LRP1B: variants seen among roughly 807,000 people sequenced by gnomAD.
LRP1B encodes LDL receptor related protein 1B.
Under a neutral mutation model 556.6 loss-of-function variants are expected in LRP1B, and 217 were observed. The ratio of observed to expected loss-of-function variants is 0.39; its 90% CI spans 0.35 to 0.44. The LOEUF is 0.44. Ranked by LOEUF, LRP1B falls within the 20% of genes least tolerant of loss-of-function variation. LRP1B has a pLI of 1.00. For synonymous variants in LRP1B, 2,047 were observed against 1,865.8 expected (o/e 1.10, Z -2.50); for missense variants, 5,053 against 5,620.8 (o/e 0.90, Z 3.23).
chr2:140,689,644 G>A (rs538857788), intron 41 of LRP1B, among the ~76,000 whole-genome samples: 1 of 152,134 alleles, frequency 6.6e-6, no homozygotes, highest in South Asian at 2.1e-4. Flanking sequence ...ATTCATATAT[G>A]AATCACTATT....
intron 83 of LRP1B, among the ~76,000 whole-genome samples, chr2:140,306,030 T>C (rs1242389458): frequency 6.9e-6 from 1 of 145,748 alleles, no homozygotes; most frequent in African/African-American, 2.5e-5. Context: ...ATAAGCTTTT[T>C]GATGTGCTGC....
chr2:142,010,554 CAAAAAAAAAAAAA>C (rs33927334), intron 1 of LRP1B, among the ~76,000 whole-genome samples: 5 of 60,248 alleles, frequency 8.3e-5, no homozygotes, highest in East Asian at 6.2e-4. Flanking sequence ...GATTCTGTCT[CAAAAAAAAAAAAA>C]AAAAAAAAAA....
At chr2:141,797,990 T>C (rs1381082175) in intron 2 of LRP1B, among the ~76,000 whole-genome samples, 3 of 152,178 alleles carry the variant, frequency 2.0e-5, no homozygotes, top group Non-Finnish European at 4.4e-5. Flanking sequence ...GGATCCTGGA[T>C]TCGGTAAAAT....
At chr2:141,047,235 C>T (rs1387027529) in intron 11 of LRP1B, among the ~76,000 whole-genome samples, 1 of 151,970 alleles carries the variant, frequency 6.6e-6, no homozygotes, top group Non-Finnish European at 1.5e-5. Flanking sequence ...CTGTCACATC[C>T]AATTTAAAGT....
At chr2:141,737,726 A>G (rs1030195423) in intron 2 of LRP1B, among the ~76,000 whole-genome samples, 2 of 152,126 alleles carry the variant, frequency 1.3e-5, no homozygotes, top group African/African-American at 2.4e-5. Context: ...CTTGTAAATC[A>G]TGTTAGGTAG....
At chr2:141,729,844 T>C (rs1018426183) in intron 2 of LRP1B, among the ~76,000 whole-genome samples, 4 of 152,178 alleles carry the variant, frequency 2.6e-5, no homozygotes, top group African/African-American at 9.6e-5. Flanking sequence ...CCCATTTCTA[T>C]AGAAAATAAT....
intron 32 of LRP1B, among the ~76,000 whole-genome samples, chr2:140,810,626 G>C (rs955118671): frequency 6.6e-6 from 1 of 152,104 alleles, no homozygotes; most frequent in South Asian, 2.1e-4. Flanking sequence ...ATGTTATAGA[G>C]ACTCTTCCCC....
At chr2:140,727,892 AT>A (rs777371411) in intron 35 of LRP1B, among the ~76,000 whole-genome samples, 54 of 152,200 alleles carry the variant, frequency 3.5e-4, no homozygotes, top group Non-Finnish European at 6.9e-4. Flanking sequence ...TGTTTCTTTC[AT>A]TTTGACAAAG....
At position 140,373,977 on chromosome 2, in the gene LRP1B, C is replaced by G. The variant is rs551206998; in HGVS notation, c.10639-840G>C. Among the ~76,000 whole-genome samples the G allele has an allele frequency of 5.3e-5, 8 of 152,256 alleles. 1 individual carries two copies. The South Asian group carries it at 1.2e-3, about 24-fold the overall frequency. ...CTTTTCCTTTGCACCAATCCTTTTA[C>G]AGTTTAGTTGTTGCAGTTCTCCTTC... On this transcript the variant is annotated intron_variant, in intron 68 of 90. Coordinates refer to ENST00000389484, the MANE Select transcript of LRP1B (RefSeq NM_018557.3).
At chr2:141,494,320 A>T (rs1417663529) in intron 2 of LRP1B, among the ~76,000 whole-genome samples, 9 of 152,144 alleles carry the variant, frequency 5.9e-5, no homozygotes, top group Admixed American at 5.9e-4. Flanking sequence ...AGTACCTTTG[A>T]AGCAACACAA....
At chr2:141,159,887 C>A (rs527568428) in intron 7 of LRP1B, among the ~76,000 whole-genome samples, 1 of 152,100 alleles carries the variant, frequency 6.6e-6, no homozygotes, top group Admixed American at 6.5e-5. Context: ...CAAACTAACA[C>A]AGGAACAGAA....
intron 2 of LRP1B, among the ~76,000 whole-genome samples, chr2:141,645,469 C>CTTTTTT (rs750147915): frequency 2.1e-5 from 1 of 48,404 alleles, no homozygotes; most frequent in Non-Finnish European, 3.6e-5. Context: ...GAAGACAAGG[C>CTTTTTT]TTTTTTTTTT....
At chr2:142,040,520 A>G (rs1314520717) in intron 1 of LRP1B, among the ~76,000 whole-genome samples, 1 of 151,314 alleles carries the variant, frequency 6.6e-6, no homozygotes. Context: ...CTTGATAAAG[A>G]TGAAAACAAA....
At chr2:141,314,889 T>TATATACATATATATATATATACAC (rs1686959354) in intron 3 of LRP1B, among the ~76,000 whole-genome samples, 1 of 144,056 alleles carries the variant, frequency 6.9e-6, no homozygotes, top group African/African-American at 2.5e-5. Flanking sequence ...CATATATACA[T>TATATACATATATATATATATACAC]ATATACATAT....
chr2:140,648,554 A>C (rs1684566033), intron 41 of LRP1B, among the ~76,000 whole-genome samples: 1 of 152,138 alleles, frequency 6.6e-6, no homozygotes, highest in Non-Finnish European at 1.5e-5. Context: ...CTGTAGAAGT[A>C]ATGTTTACAC....
intron 1 of LRP1B, among the ~76,000 whole-genome samples, chr2:141,920,507 AT>A (rs1310685313): frequency 1.3e-5 from 2 of 152,036 alleles, no homozygotes; most frequent in Non-Finnish European, 2.9e-5. Flanking sequence ...GGTGAACTCA[AT>A]GTGCTGACAG....
chr2:141,226,855 C>G (rs930749911), intron 6 of LRP1B, among the ~76,000 whole-genome samples: 1 of 152,136 alleles, frequency 6.6e-6, no homozygotes, highest in Non-Finnish European at 1.5e-5. Flanking sequence ...CACACCCCTG[C>G]CCCACTCCCA....
At chr2:140,521,030 C>G (rs1690148706) in intron 49 of LRP1B, among the ~76,000 whole-genome samples, 1 of 151,378 alleles carries the variant, frequency 6.6e-6, no homozygotes, top group African/African-American at 2.4e-5. Context: ...ATGAACAAAG[C>G]TTTTGAGAAA....
At chr2:140,603,385 G>A (rs1031043740) in intron 41 of LRP1B, among the ~76,000 whole-genome samples, 1 of 152,092 alleles carries the variant, frequency 6.6e-6, no homozygotes, top group Non-Finnish European at 1.5e-5. Context: ...ACCTTTGCCA[G>A]TGTATTTTTT....
Sources: allele counts gnomAD v4.1 joint callset (sites outside exome capture counted in the v4.1 genomes callset), GRCh38; gene constraint gnomAD v4.1.1; transcripts MANE v1.5; gene names NCBI Gene and HGNC (gene_info 2026-07-23, HGNC 2026-07-21).